Variants in PCP4 observed in about 807,000 individuals in gnomAD.
The protein encoded by PCP4 is Purkinje cell protein 4.
Under a neutral mutation model 10.0 loss-of-function variants are expected in PCP4, and 8 were observed. The ratio of observed to expected loss-of-function variants is 0.80; its 90% CI spans 0.47 to 1.45. PCP4 has a LOEUF of 1.45. PCP4 is among the 40% of genes most tolerant of loss of function. The probability of loss-of-function intolerance (pLI) is 0.00; values close to 1 mark genes in which losing one functional copy is unlikely to be tolerated. For synonymous variants in PCP4, 21 were observed against 23.0 expected (o/e 0.91, Z 0.24); for missense variants, 54 against 74.4 (o/e 0.73, Z 1.01).
At chr21:39,875,401 G>C (rs986796724) in intron 1 of PCP4, among the ~76,000 whole-genome samples, 1 of 152,126 alleles carries the variant, frequency 6.6e-6, no homozygotes, top group African/African-American at 2.4e-5. Flanking sequence ...CACTGGTGCT[G>C]CCACAAGTCT....
At chr21:39,926,121 C>T in intron 2 of PCP4, 1 of 454,868 alleles carries the variant, frequency 2.2e-6, no homozygotes, top group South Asian at 1.6e-5. Context: ...CCTCTAACAG[C>T]ATCTGACCTT....
chr21:39,912,985 T>C (rs1005782493), intron 2 of PCP4, among the ~76,000 whole-genome samples: 3 of 152,206 alleles, frequency 2.0e-5, no homozygotes, highest in African/African-American at 7.2e-5. Flanking sequence ...ACATTATTAC[T>C]TGTTGCTTAA....
chr21:39,873,551 G>A (rs934047463), intron 1 of PCP4, among the ~76,000 whole-genome samples: 2 of 152,046 alleles, frequency 1.3e-5, no homozygotes, highest in African/African-American at 2.4e-5. Flanking sequence ...TGAATTGCAC[G>A]TCCATATCCC....
chr21:39,876,726 T>G (rs2087347940), intron 1 of PCP4, among the ~76,000 whole-genome samples: 1 of 152,222 alleles, frequency 6.6e-6, no homozygotes, highest in Admixed American at 6.5e-5. Context: ...CAAATATAAA[T>G]AGAAATTCTA....
chr21:39,899,340 C>G (rs574749744), intron 2 of PCP4, among the ~76,000 whole-genome samples: 1 of 152,332 alleles, frequency 6.6e-6, no homozygotes, highest in African/African-American at 2.4e-5. Flanking sequence ...TCAAGATGAA[C>G]TCTCCTTTTA....
chr21:39,884,733 G>C (rs1306999161), intron 1 of PCP4, among the ~76,000 whole-genome samples: 1 of 152,096 alleles, frequency 6.6e-6, no homozygotes, highest in Non-Finnish European at 1.5e-5. Flanking sequence ...AGGAGGCAGA[G>C]GTTGCAGTGA....
chr21:39,880,047 G>C (rs2087364977), intron 1 of PCP4, among the ~76,000 whole-genome samples: 1 of 152,178 alleles, frequency 6.6e-6, no homozygotes, highest in African/African-American at 2.4e-5. Context: ...AAAAACAAAA[G>C]AGGCAGAGCT....
chr21:39,901,101 A>C (rs1031045164), intron 2 of PCP4, among the ~76,000 whole-genome samples: 1 of 152,246 alleles, frequency 6.6e-6, no homozygotes, highest in African/African-American at 2.4e-5. Context: ...CTGGATTTTC[A>C]TACTGGCTTC....
chr21:39,895,090 C>G lies in PCP4; in HGVS notation c.10-3386C>G, dbSNP rs2087450720. On this transcript the variant is annotated intron_variant, in intron 1 of 2. Transcript: ENST00000328619. ...ACACACCCATTCATCCATCCACCCACCCATCCATCCATCCACCCACTCATC... is the reference window on the plus strand; with the variant it reads ...ACACACCCATTCATCCATCCACCCAGCCATCCATCCATCCACCCACTCATC... 2.0e-5 allele frequency among the ~76,000 whole-genome samples: 3 copies of G among 151,564 alleles called. No homozygotes were observed. The South Asian group carries it at 6.3e-4, about 32-fold the overall frequency.
Position 39,929,189 on chromosome 21 carries a change from C to G in PCP4, c.*78C>G. On this transcript the variant is annotated 3_prime_UTR_variant, in exon 3 of 3. Transcript: ENST00000328619. Reference sequence around the variant, plus strand: ...GTCAAGAAATTAAAAGAACAACACCCTAGAGAGAAGTCATCCACACACAAT... The same window carrying G: ...GTCAAGAAATTAAAAGAACAACACCGTAGAGAGAAGTCATCCACACACAAT... 6.9e-7 allele frequency: 1 copy of G among 1,450,354 alleles called. No homozygotes were observed. The highest frequency in any genetic ancestry group is 2.3e-5 in the East Asian group (1 of 43,520). The allele number at this position is 1,450,354 out of a possible 1,614,324, so 89.8% of individuals were successfully genotyped here.
chr21:39,881,264 CA>C (rs1466528042), intron 1 of PCP4, among the ~76,000 whole-genome samples: 2 of 151,810 alleles, frequency 1.3e-5, no homozygotes, highest in African/African-American at 4.8e-5. Flanking sequence ...ATTATTATAC[CA>C]AAAAAGAAAG....
At chr21:39,922,007 A>G (rs1028135457) in intron 2 of PCP4, among the ~76,000 whole-genome samples, 20 of 152,204 alleles carry the variant, frequency 1.3e-4, no homozygotes, top group African/African-American at 4.8e-4. Context: ...TTGGATTTTC[A>G]TGACAATACC....
At chr21:39,891,516 TCTC>T (rs2087431213) in intron 1 of PCP4, among the ~76,000 whole-genome samples, 1 of 152,118 alleles carries the variant, frequency 6.6e-6, no homozygotes, top group Admixed American at 6.6e-5. Context: ...TAGCGGGTAT[TCTC>T]CTCGTGTGTG....
At position 39,890,919 on chromosome 21, in the gene PCP4, T is replaced by C. The variant is rs189072617; in HGVS notation, c.10-7557T>C. Reference sequence around the variant, plus strand: ...GTTTTTTGTTTTCAAAGGAATTTGTTTGTGGGACTGTTAGTGATGTTTGGG... The same window carrying C: ...GTTTTTTGTTTTCAAAGGAATTTGTCTGTGGGACTGTTAGTGATGTTTGGG... On this transcript the variant is annotated intron_variant, in intron 1 of 2. Coordinates refer to ENST00000328619, the MANE Select transcript of PCP4 (RefSeq NM_006198.3). 2.5e-3 allele frequency among the ~76,000 whole-genome samples: 387 copies of C among 152,298 alleles called. 5 individuals are homozygous for C. Among genetic ancestry groups the C allele is most frequent in the African/African-American group, 8.8e-3 (367 of 41,560 alleles).
chr21:39,899,500 C>T (rs1442571442), intron 2 of PCP4, among the ~76,000 whole-genome samples: 1 of 152,186 alleles, frequency 6.6e-6, no homozygotes, highest in African/African-American at 2.4e-5. Context: ...CTGAGCTGAG[C>T]AAGACTCAAG....
chr21:39,870,589 G>C (rs542912015), intron 1 of PCP4, among the ~76,000 whole-genome samples: 1 of 152,316 alleles, frequency 6.6e-6, no homozygotes, highest in East Asian at 1.9e-4. Flanking sequence ...ATGACAGTCA[G>C]TCCCACGTTC....
intron 1 of PCP4, among the ~76,000 whole-genome samples, chr21:39,896,088 G>C (rs8130100): frequency 0.15 from 23,513 of 151,970 alleles, 1,961 homozygotes; most frequent in African/African-American, 0.18. Context: ...AAAAATGACT[G>C]CTTTTCTCCC....
chr21:39,911,717 C>T (rs2087540933), intron 2 of PCP4, among the ~76,000 whole-genome samples: 1 of 152,224 alleles, frequency 6.6e-6, no homozygotes, highest in Non-Finnish European at 1.5e-5. Flanking sequence ...GAAAAAGCCT[C>T]ACTTGTCTTT....
chr21:39,920,487 G>C (rs369943505), intron 2 of PCP4, among the ~76,000 whole-genome samples: 1 of 152,042 alleles, frequency 6.6e-6, no homozygotes, highest in East Asian at 1.9e-4. Flanking sequence ...GTATGTGTGT[G>C]TGTCTGTGTG....
Sources: gnomAD v4.1 joint callset for allele counts (sites outside exome capture counted in the v4.1 genomes callset) on GRCh38, gnomAD v4.1.1 for gene constraint, MANE v1.5 for transcripts, NCBI Gene and HGNC (gene_info 2026-07-23, HGNC 2026-07-21) for gene names.